The following MCC variants were observed in gnomAD, a reference collection of about 807,000 sequenced individuals.
The protein encoded by MCC is MCC regulator of Wnt signaling pathway.
A neutral mutation model predicts 116.2 loss-of-function variants in MCC; 90 were observed. The observed-to-expected ratio is 0.77, with a 90% CI of 0.65 to 0.92. The LOEUF is 0.92. Among genes scored for constraint, MCC ranks in the 40% least tolerant of loss-of-function variants. The probability of loss-of-function intolerance (pLI) is 0.00; values close to 1 mark genes in which losing one functional copy is unlikely to be tolerated. For synonymous variants in MCC, 578 were observed against 510.5 expected (o/e 1.13, Z -1.78); for missense variants, 1,516 against 1,312.2 (o/e 1.16, Z -2.40).
At chr5:113,384,898 C>A (rs556006215) in intron 2 of MCC, 70 bp downstream of exon 2, 2 of 1,571,084 alleles carry the variant, frequency 1.3e-6, no homozygotes, top group Non-Finnish European at 1.7e-6. Context: ...GGGGAGGCTA[C>A]TCTCATTTAA....
chr5:113,079,804 A>G (rs907852725), intron 11 of MCC, among the ~76,000 whole-genome samples: 8 of 152,354 alleles, frequency 5.3e-5, no homozygotes, highest in African/African-American at 1.9e-4. Context: ...AAAATAGACA[A>G]ATGGGATCTA....
chr5:113,279,951 A>G (rs1765975054), intron 3 of MCC, among the ~76,000 whole-genome samples: 1 of 152,250 alleles, frequency 6.6e-6, no homozygotes, highest in Non-Finnish European at 1.5e-5. Flanking sequence ...AAGTATTTCA[A>G]CAAAATAATA....
intron 1 of MCC, among the ~76,000 whole-genome samples, chr5:113,419,364 T>C (rs542119242): frequency 1.4e-5 from 2 of 142,018 alleles, no homozygotes; most frequent in African/African-American, 5.4e-5. Flanking sequence ...CTTCTTTTTT[T>C]CTTTTTTTTT....
chr5:113,275,974 T>TTTG (rs1554073006), intron 3 of MCC, among the ~76,000 whole-genome samples: 31 of 149,774 alleles, frequency 2.1e-4, no homozygotes, highest in African/African-American at 6.2e-4. Flanking sequence ...TGTTTTGTTT[T>TTTG]TTTTTTTTTT....
chr5:113,302,246 C>T (rs1326068661), intron 3 of MCC, among the ~76,000 whole-genome samples: 1 of 152,038 alleles, frequency 6.6e-6, no homozygotes, highest in Non-Finnish European at 1.5e-5. Flanking sequence ...AGAAATGTTA[C>T]ATTAACCACA....
Position 113,027,784 on chromosome 5 carries a change from CA to C in MCC, c.2880-303del, listed in dbSNP as rs1218147068. 2.6e-5 allele frequency among the ~76,000 whole-genome samples: 4 copies of C among 152,236 alleles called. No individual in the cohort carries two copies. In the East Asian group the frequency reaches 7.7e-4, roughly 29 times the overall value. On this transcript the variant is annotated intron_variant, in intron 18 of 18. Transcript: ENST00000408903. ...ACCAGCAATCCAAATTGGCCCAGTC[CA>C]AAACGGATAAATACAAATAGTGGGT...
intron 1 of MCC, among the ~76,000 whole-genome samples, chr5:113,481,222 A>G (rs140645357): frequency 1.8e-3 from 271 of 152,314 alleles, no homozygotes; most frequent in African/African-American, 6.4e-3. Flanking sequence ...AAAAATCTAT[A>G]ACTCAACAAT....
chr5:113,199,116 C>CG (rs2150317733), intron 3 of MCC, among the ~76,000 whole-genome samples: 1 of 151,986 alleles, frequency 6.6e-6, no homozygotes, highest in African/African-American at 2.4e-5. Flanking sequence ...TGCAGTGAGC[C>CG]AAGATTGCAC....
chr5:113,380,750 T>C (rs1769098597), intron 2 of MCC, among the ~76,000 whole-genome samples: 1 of 152,220 alleles, frequency 6.6e-6, no homozygotes, highest in Non-Finnish European at 1.5e-5. Context: ...GAGAGGCTGC[T>C]TGAGCTTGGA....
At chr5:113,483,028 C>T (rs1772420126) in intron 1 of MCC, among the ~76,000 whole-genome samples, 1 of 152,182 alleles carries the variant, frequency 6.6e-6, no homozygotes. Context: ...CCATTTTACC[C>T]TTGACCTTGG....
chr5:113,094,790 CT>C (rs962171339), intron 8 of MCC, among the ~76,000 whole-genome samples: 28 of 152,290 alleles, frequency 1.8e-4, no homozygotes, highest in African/African-American at 6.5e-4. Context: ...AAGAGCTAGC[CT>C]TGAAGCAGCC....
At chr5:113,199,318 G>A (rs1762575610) in intron 3 of MCC, among the ~76,000 whole-genome samples, 1 of 152,166 alleles carries the variant, frequency 6.6e-6, no homozygotes, top group African/African-American at 2.4e-5. Context: ...AAGACACACA[G>A]AACAGGAGTA....
chr5:113,117,275 T>C (rs1372744069), intron 6 of MCC, among the ~76,000 whole-genome samples: 1 of 152,158 alleles, frequency 6.6e-6, no homozygotes, highest in Admixed American at 6.5e-5. Context: ...GCCAGGAGAA[T>C]CTGGCTTTAG....
At chr5:113,045,706 G>C (rs1752023990) in intron 16 of MCC, among the ~76,000 whole-genome samples, 1 of 151,666 alleles carries the variant, frequency 6.6e-6, no homozygotes, top group Non-Finnish European at 1.5e-5. Context: ...GGCTGAGGCA[G>C]GAGAATCACT....
At chr5:113,045,072 T>C (rs936575674) in intron 16 of MCC, among the ~76,000 whole-genome samples, 1 of 152,212 alleles carries the variant, frequency 6.6e-6, no homozygotes, top group African/African-American at 2.4e-5. Context: ...CCAAGTCCCC[T>C]GTCCACCCTT....
intron 3 of MCC, among the ~76,000 whole-genome samples, chr5:113,207,727 C>T (rs1036310091): frequency 2.0e-5 from 3 of 152,104 alleles, no homozygotes; most frequent in Non-Finnish European, 4.4e-5. Flanking sequence ...CAGAGTTATA[C>T]CTACTGAGTG....
chr5:113,150,939 G>A (rs1027162159), intron 4 of MCC, among the ~76,000 whole-genome samples: 6 of 152,154 alleles, frequency 3.9e-5, no homozygotes, highest in South Asian at 2.1e-4. Context: ...AGCTACTTGG[G>A]AGGCTGCGGT....
chr5:113,029,904 C>T lies in MCC; in HGVS notation c.2757-848G>A, dbSNP rs147700554. The stretch of plus-strand genomic sequence containing the variant: ...TGGAGCCATGACGCTCCCCCATGGT[C>T]ATGTTGGGTTCTAGAGTGGCAAGGA... On this transcript the variant is annotated intron_variant, in intron 17 of 18. Coordinates refer to ENST00000408903, the MANE Select transcript of MCC (RefSeq NM_001085377.2). Among the ~76,000 whole-genome samples, 1,060 of 152,342 alleles carry T rather than the reference C, an allele frequency of 7.0e-3. 10 individuals are homozygous for T. The highest frequency in any genetic ancestry group is 0.024 in the African/African-American group (981 of 41,568).
In MCC at chr5:113,241,731, G is replaced by T. The variant is rs1263129313; in HGVS notation, c.628-90309C>A. Among the ~76,000 whole-genome samples, 4 of 152,196 alleles carry T rather than the reference G, an allele frequency of 2.6e-5. No homozygotes were observed. The East Asian group carries it at 7.7e-4, about 29-fold the overall frequency. On this transcript the variant is annotated intron_variant, in intron 3 of 18. Transcript: ENST00000408903. ...GGTATTACATGAAAGCATGTAATCT[G>T]AGCCAGGGGTCTCCACTGTTCCTTT...
Sources: allele counts gnomAD v4.1 joint callset (sites outside exome capture counted in the v4.1 genomes callset), GRCh38; gene constraint gnomAD v4.1.1; transcripts MANE v1.5; gene names NCBI Gene and HGNC (gene_info 2026-07-23, HGNC 2026-07-21).